Variants in SH3GLB2 observed in about 807,000 individuals in gnomAD.
SH3GLB2 encodes the protein endophilin-B2.
In SH3GLB2, 24 loss-of-function variants were observed where a neutral mutation model predicts 48.0. The observed-to-expected ratio is 0.50, with a 90% CI of 0.36 to 0.70. The LOEUF (loss-of-function observed/expected upper bound fraction) is 0.70. Among genes scored for constraint, SH3GLB2 ranks in the 30% least tolerant of loss-of-function variants. The pLI is 0.00. For missense variants in SH3GLB2, 425 were observed against 516.0 expected (o/e 0.82, Z 1.71); for synonymous variants, 227 against 207.6 (o/e 1.09, Z -0.80).
At chr9:129,027,424 T>C (rs942940260) in intron 1 of SH3GLB2, among the ~76,000 whole-genome samples, 5 of 152,106 alleles carry the variant, frequency 3.3e-5, no homozygotes, top group African/African-American at 9.7e-5. Flanking sequence ...GGTCTTCCCA[T>C]GATGTTGAGT....
rs1160768868 is a variant in SH3GLB2 at position 129,014,510 on chromosome 9, G to A, written c.469-7C>T. ...GGAGGAGCCGCCTCTCCTTCTACAG[G>A]GCAGGGCATGGGGACAGTGAGACCC... On this transcript the variant is annotated splice_region_variant and splice_polypyrimidine_tract_variant and intron_variant, in intron 4 of 10. Transcript: ENST00000372564. This position sits in a 1 kb window ranked among gnomAD's most constrained non-coding sequence, Gnocchi z 4.1. 1 of 1,551,690 alleles carries A rather than the reference G, an allele frequency of 6.4e-7. No homozygotes were observed. Among genetic ancestry groups the A allele is most frequent in the Non-Finnish European group, 8.7e-7 (1 of 1,147,054 alleles).
intron 3 of SH3GLB2, among the ~76,000 whole-genome samples, chr9:129,018,289 T>C (rs1266633726): frequency 6.6e-6 from 1 of 152,184 alleles, no homozygotes; most frequent in Non-Finnish European, 1.5e-5. Context: ...AAAAGTTAAA[T>C]TAAATTGGCT....
At chr9:129,025,556 A>T (rs1844101671) in intron 1 of SH3GLB2, among the ~76,000 whole-genome samples, 2 of 150,354 alleles carry the variant, frequency 1.3e-5, no homozygotes, top group African/African-American at 4.9e-5. Context: ...ACAGGATGAG[A>T]CTCTGTCTCA....
chr9:129,009,144 C>T lies in SH3GLB2; in HGVS notation c.1042G>A (p.Ala348Thr), dbSNP rs1842934640. The part of the protein sequence containing the change: ...RKARVLYDYE[A>T]ADSSELALLA... ...AGGGCCAGCTCACTGCTGTCGGCTG[C>T]CTCGTAGTCATAGAGCACCCGAGCT... The change falls in exon 10 of 11, where the codon GCA (alanine) becomes ACA (threonine). Residue 348 changes from alanine (A) to threonine (T), a missense_variant. Physicochemically the swap from Ala to Thr is moderately conservative, Grantham distance 58. Transcript: ENST00000372564. 2 of 1,611,090 alleles carry T rather than the reference C, an allele frequency of 1.2e-6. No homozygotes were observed. The highest frequency in any genetic ancestry group is 8.5e-7 in the Non-Finnish European group (1 of 1,179,776).
Position 129,028,103 on chromosome 9 carries a change from G to A in SH3GLB2, c.52C>T (p.Arg18Trp), listed in dbSNP as rs1239042298. Residue 18 changes from arginine to tryptophan, a missense_variant, in exon 1 of 11, where the codon CGG becomes TGG. By Grantham distance (101) the Arg-to-Trp change is moderately radical (BLOSUM62 -3). Transcript: ENST00000372564. ...ACGCCAGGCCTCACCTGCACCGCCC[G>A]GGTGAAGAAGATGCCCGCGTCCGAC... ...LASDAGIFFTRAVQFTEEKFG... is the reference protein window; with the variant it reads ...LASDAGIFFTWAVQFTEEKFG... The A allele has an allele frequency of 2.0e-6, 3 of 1,500,654 alleles. No individual in the cohort carries two copies. The highest frequency in any genetic ancestry group is 2.7e-6 in the Non-Finnish European group (3 of 1,127,842). 93.0% of individuals were successfully genotyped at this position (1,500,654 alleles called of 1,614,324 possible). A position where few individuals can be genotyped will look rare whatever the true frequency, so the allele number is the denominator to read the frequency against.
At chr9:129,022,000 G>A (rs1843837471) in intron 2 of SH3GLB2, among the ~76,000 whole-genome samples, 1 of 151,240 alleles carries the variant, frequency 6.6e-6, no homozygotes, top group South Asian at 2.1e-4. Flanking sequence ...CCAACCAGGT[G>A]TGTGTTTTGC....
intron 3 of SH3GLB2, among the ~76,000 whole-genome samples, chr9:129,019,925 C>T (rs943504586): frequency 2.7e-5 from 4 of 150,458 alleles, no homozygotes; most frequent in African/African-American, 7.4e-5. Flanking sequence ...AGGTTCCAGC[C>T]GGGTGCGGTG....
chr9:129,021,238 C>A lies in SH3GLB2; in HGVS notation c.206-19G>T. 6.3e-7 allele frequency: 1 copy of A among 1,592,500 alleles called. No individual in the cohort carries two copies. Among genetic ancestry groups the A allele is most frequent in the South Asian group, 1.1e-5 (1 of 88,330 alleles). ...CGGGCACCTGTGGGGAGACAGCAGC[C>A]AAAGCCACAGGGCTCCTTAGTTCAA... On this transcript the variant is annotated intron_variant, in intron 2 of 10. Transcript: ENST00000372564.
chr9:129,010,653 C>T lies in SH3GLB2; in HGVS notation c.648+17G>A, dbSNP rs749344542. 1 of 1,613,982 alleles carries T rather than the reference C, an allele frequency of 6.2e-7. No homozygotes were observed. Among genetic ancestry groups the T allele is most frequent in the African/African-American group, 1.3e-5 (1 of 75,034 alleles). On this transcript the variant is annotated intron_variant, in intron 7 of 10. Transcript: ENST00000372564. ...ACCCCTTCTTCCTCGAGCCCAGCCC[C>T]CCAGGCCCCAACTTACCTTGTCCAC...
In SH3GLB2 at chr9:129,008,565, G is replaced by T. The variant is rs1366804375; in HGVS notation, c.*119C>A. 2 of 767,350 alleles carry T rather than the reference G, an allele frequency of 2.6e-6. No individual in the cohort carries two copies. Among genetic ancestry groups the T allele is most frequent in the Non-Finnish European group, 4.4e-6 (2 of 457,162 alleles). The allele number at this position is 767,350 out of a possible 1,614,324, so 47.5% of individuals were successfully genotyped here. ...AGCTAGGTGACTAGGGGCAGGGACA[G>T]AATGGGGTGAATTCTCCCCACTCTG... On this transcript the variant is annotated 3_prime_UTR_variant, in exon 11 of 11. Transcript: ENST00000372564.
chr9:129,018,223 T>A (rs1014149154), intron 3 of SH3GLB2, among the ~76,000 whole-genome samples: 2 of 152,170 alleles, frequency 1.3e-5, no homozygotes, highest in African/African-American at 4.8e-5. Context: ...AACACACTAC[T>A]GACAGGAATA....
In SH3GLB2 at chr9:129,009,100, G is replaced by T; in HGVS notation, c.1080+6C>A. The T allele has an allele frequency of 1.2e-6, 2 of 1,607,016 alleles. No individual in the cohort carries two copies. ...TTCCTGCCCCACCTTGCGGCACCGG[G>T]CCCACCTCATCAGCCAGCAGGGCCA... On this transcript the variant is annotated splice_donor_region_variant and intron_variant, in intron 10 of 10. Coordinates refer to ENST00000372564, the MANE Select transcript of SH3GLB2 (RefSeq NM_020145.4).
At chr9:129,017,383 C>T (rs979434638) in intron 3 of SH3GLB2, among the ~76,000 whole-genome samples, 6 of 152,188 alleles carry the variant, frequency 3.9e-5, no homozygotes, top group Non-Finnish European at 5.9e-5. Flanking sequence ...AATATCACAT[C>T]TTCTCAAGTG....
chr9:129,012,419 G>T, intron 5 of SH3GLB2, 121 bp from the exon 6 acceptor site: 1 of 522,520 alleles, frequency 1.9e-6, no homozygotes, highest in Non-Finnish European at 3.0e-6. Context: ...CCCCAGGGAC[G>T]GGGATACAAA....
At chr9:129,026,380 G>T (rs1408227327) in intron 1 of SH3GLB2, among the ~76,000 whole-genome samples, 1 of 152,204 alleles carries the variant, frequency 6.6e-6, no homozygotes, top group Non-Finnish European at 1.5e-5. Flanking sequence ...TCTCCTGCCA[G>T]GTCACATTTC....
chr9:129,013,232 T>C (rs1843227362), intron 5 of SH3GLB2: 1 of 584,840 alleles, frequency 1.7e-6, no homozygotes, highest in Non-Finnish European at 3.1e-6. Flanking sequence ...TCTGGAATGC[T>C]GTTCCTGGGG....
chr9:129,012,563 G>T, intron 5 of SH3GLB2: 1 of 419,208 alleles, frequency 2.4e-6, no homozygotes, highest in Admixed American at 4.1e-5. Context: ...GGAGATGGCC[G>T]AGGCTGCCTG....
In SH3GLB2 at chr9:129,014,391, CG is replaced by C; in HGVS notation, c.561+19del. ...GCCAGAGCCTGGGCCAGGAGGCCAG[CG>C]GGGAGCGGGGACACCTACCGTGGCT... is the stretch of plus-strand genomic sequence containing the variant. On this transcript the variant is annotated intron_variant, in intron 5 of 10. Coordinates refer to ENST00000372564, the MANE Select transcript of SH3GLB2 (RefSeq NM_020145.4). This position sits in a 1 kb window ranked among gnomAD's most constrained non-coding sequence, Gnocchi z 4.1. 1 of 1,548,118 alleles carries C rather than the reference CG, an allele frequency of 6.5e-7. No individual in the cohort carries two copies. The highest frequency in any genetic ancestry group is 8.7e-7 in the Non-Finnish European group (1 of 1,145,958).
At position 129,014,112 on chromosome 9, in the gene SH3GLB2, G is replaced by A. The variant is rs1843284072; in HGVS notation, c.561+299C>T. On this transcript the variant is annotated intron_variant, in intron 5 of 10. Transcript: ENST00000372564. The surrounding 1 kb of genome is among the most constrained non-coding windows in gnomAD (Gnocchi z 4.1). ...AGCCGGGGACAGAGCCGAGCATCTA[G>A]GAGGGCAGGGCAGGGCATGCAGGAG... The A allele has an allele frequency of 6.5e-6, 4 of 618,260 alleles. No individual in the cohort carries two copies. Among genetic ancestry groups the A allele is most frequent in the Non-Finnish European group, 1.2e-5 (4 of 331,690 alleles). 38.3% of individuals were successfully genotyped at this position (618,260 alleles called of 1,614,324 possible).
Sources: allele counts gnomAD v4.1 joint callset (sites outside exome capture counted in the v4.1 genomes callset), GRCh38; gene constraint gnomAD v4.1.1; non-coding constraint Gnocchi (gnomAD v3.1); transcripts MANE v1.5; gene names NCBI Gene and HGNC (gene_info 2026-07-23, HGNC 2026-07-21).